The following CYTH3 variants were observed in gnomAD, a reference collection of about 807,000 sequenced individuals.
CYTH3 encodes the protein cytohesin 3.
CYTH3 carries 23 observed loss-of-function variants against 55.1 expected under a neutral mutation model. That is an observed-to-expected ratio of 0.42 (90% CI 0.30 to 0.59). The LOEUF (loss-of-function observed/expected upper bound fraction) is 0.59, where lower values mean the gene tolerates loss of function less well. Ranked by LOEUF, CYTH3 falls within the 20% of genes least tolerant of loss-of-function variation. The probability of loss-of-function intolerance (pLI) is 0.20; values close to 1 mark genes in which losing one functional copy is unlikely to be tolerated. For missense variants in CYTH3, 413 were observed against 524.8 expected (o/e 0.79, Z 2.08); for synonymous variants, 249 against 194.9 (o/e 1.28, Z -2.31).
At chr7:6,236,975 T>C (rs181332811) in intron 1 of CYTH3, among the ~76,000 whole-genome samples, 2 of 152,360 alleles carry the variant, frequency 1.3e-5, no homozygotes, top group Non-Finnish European at 2.9e-5. Flanking sequence ...TCATGGTCAG[T>C]AGGCCTAGAT....
chr7:6,234,306 T>G (rs1328323770), intron 1 of CYTH3, among the ~76,000 whole-genome samples: 3 of 152,106 alleles, frequency 2.0e-5, no homozygotes, highest in Non-Finnish European at 4.4e-5. Context: ...CCCACTGCCC[T>G]GGAAAAAGAA....
In CYTH3 at chr7:6,170,715, A is replaced by T; in HGVS notation, c.712-69T>A. ...AAATGGCTGGCCGGGCAGAAAGCTCAGCGGGACCAGGGCGGCAAGGAGGCT... is the reference window on the plus strand; with the variant it reads ...AAATGGCTGGCCGGGCAGAAAGCTCTGCGGGACCAGGGCGGCAAGGAGGCT... On this transcript the variant is annotated intron_variant, in intron 8 of 12. Transcript: ENST00000350796. The surrounding 1 kb of genome is among the most constrained non-coding windows in gnomAD (Gnocchi z 7.8). 1 of 1,576,358 alleles carries T rather than the reference A, an allele frequency of 6.3e-7. No individual in the cohort carries two copies. The highest frequency in any genetic ancestry group is 8.6e-7 in the Non-Finnish European group (1 of 1,159,122).
Position 6,169,201 on chromosome 7 carries a change from C to A in CYTH3, c.823+1334G>T, listed in dbSNP as rs1783099115. 1.3e-5 allele frequency among the ~76,000 whole-genome samples: 2 copies of A among 152,184 alleles called. No individual in the cohort carries two copies. Among genetic ancestry groups the A allele is most frequent in the African/African-American group, 4.8e-5 (2 of 41,456 alleles). ...ACCAGCTGAGGAGGCCTGTGCCCGT[C>A]ACACCGTGTCTCACCCTTCCTTGAT... is the stretch of plus-strand genomic sequence containing the variant. On this transcript the variant is annotated intron_variant, in intron 9 of 12. Coordinates refer to ENST00000350796, the MANE Select transcript of CYTH3 (RefSeq NM_004227.4). The surrounding 1 kb of genome is among the most constrained non-coding windows in gnomAD (Gnocchi z 4.1).
chr7:6,164,896 C>T lies in CYTH3; in HGVS notation c.*48G>A, dbSNP rs1193803698. 2 of 1,611,312 alleles carry T rather than the reference C, an allele frequency of 1.2e-6. No homozygotes were observed. Among genetic ancestry groups the T allele is most frequent in the African/African-American group, 2.7e-5 (2 of 74,854 alleles). ...TCCGCGGAGGGGCCGCCCGCGGTGT[C>T]TTTCTGCTGGGGTTGGGTCTTTTAC... On this transcript the variant is annotated 3_prime_UTR_variant, in exon 13 of 13. Coordinates refer to ENST00000350796, the MANE Select transcript of CYTH3 (RefSeq NM_004227.4).
At chr7:6,263,496 A>G (rs1447970864) in intron 1 of CYTH3, among the ~76,000 whole-genome samples, 2 of 152,212 alleles carry the variant, frequency 1.3e-5, no homozygotes, top group Non-Finnish European at 2.9e-5. Context: ...TAACATTGAC[A>G]TTAAAAAGTT....
chr7:6,187,742 C>G, intron 2 of CYTH3, 21 bp from the exon 3 acceptor site: 1 of 1,611,144 alleles, frequency 6.2e-7, no homozygotes, highest in Non-Finnish European at 8.5e-7. Context: ...AGAAGAATTT[C>G]GAGGTGGGGA....
intron 4 of CYTH3, among the ~76,000 whole-genome samples, chr7:6,182,496 GCCA>G (rs1228416905): frequency 6.6e-6 from 1 of 152,062 alleles, no homozygotes; most frequent in Admixed American, 6.5e-5. Context: ...ACAGGCACAT[GCCA>G]CCACATCTGG....
In CYTH3 at chr7:6,258,402, G is replaced by C. The variant is rs190255358; in HGVS notation, c.34+14072C>G. ...TCTTGCAGACATCCCCCTGCAAACT[G>C]CCCTGCATACTGGCCAGACTTGGGT... On this transcript the variant is annotated intron_variant, in intron 1 of 12. Transcript: ENST00000350796. Among the ~76,000 whole-genome samples the C allele has an allele frequency of 3.9e-4, 59 of 152,122 alleles. 1 individual carries two copies. In the East Asian group the frequency reaches 9.1e-3, roughly 23 times the overall value.
At position 6,180,791 on chromosome 7, in the gene CYTH3, T is replaced by C. The variant is rs1252852583; in HGVS notation, c.250-2850A>G. ...GGGGCGGTGGCACCATTTGACCCAC[T>C]ACACCTACTCTATCTTTTTCTGTTT... On this transcript the variant is annotated intron_variant, in intron 4 of 12. Transcript: ENST00000350796. 3.0e-4 allele frequency among the ~76,000 whole-genome samples: 45 copies of C among 152,210 alleles called. 1 individual carries two copies. The highest frequency in any genetic ancestry group is 2.9e-3 in the Admixed American group (45 of 15,282).
intron 1 of CYTH3, among the ~76,000 whole-genome samples, chr7:6,238,777 G>T (rs1289183329): frequency 6.6e-6 from 1 of 152,192 alleles, no homozygotes; most frequent in African/African-American, 2.4e-5. Context: ...GGGGAAGGCT[G>T]TGTGCACGTG....
chr7:6,214,371 TC>T (rs1277937410), intron 1 of CYTH3, among the ~76,000 whole-genome samples: 1 of 152,232 alleles, frequency 6.6e-6, no homozygotes, highest in Non-Finnish European at 1.5e-5. Context: ...ATTAGAGAAC[TC>T]TACAGATTTC....
chr7:6,258,286 A>T (rs1451611787), intron 1 of CYTH3, among the ~76,000 whole-genome samples: 3 of 151,422 alleles, frequency 2.0e-5, no homozygotes, highest in Non-Finnish European at 4.4e-5. Context: ...GCACTCTGGC[A>T]TAGGAGACAG....
chr7:6,223,188 C>T (rs931486237), intron 1 of CYTH3, among the ~76,000 whole-genome samples: 1 of 151,362 alleles, frequency 6.6e-6, no homozygotes, highest in Non-Finnish European at 1.5e-5. Flanking sequence ...CTCTGCCCGG[C>T]CGCCCCATCT....
At chr7:6,245,361 G>C (rs1166966360) in intron 1 of CYTH3, among the ~76,000 whole-genome samples, 2 of 152,100 alleles carry the variant, frequency 1.3e-5, no homozygotes, top group Non-Finnish European at 2.9e-5. Context: ...AGGGCCCTCA[G>C]AATTAGAGAG....
intron 1 of CYTH3, among the ~76,000 whole-genome samples, chr7:6,206,812 C>T (rs1784198179): frequency 6.6e-6 from 1 of 152,098 alleles, no homozygotes; most frequent in East Asian, 1.9e-4. Flanking sequence ...GCCTCACTGC[C>T]ACCTCTACCT....
intron 1 of CYTH3, among the ~76,000 whole-genome samples, chr7:6,203,456 G>A (rs550075077): frequency 6.4e-4 from 97 of 152,190 alleles, no homozygotes; most frequent in South Asian, 6.0e-3. Flanking sequence ...TATGAGTCTA[G>A]TCATTGCCAC....
chr7:6,170,977 G>C lies in CYTH3; in HGVS notation c.564C>G (p.Asp188Glu). 1 of 1,613,810 alleles carries C rather than the reference G, an allele frequency of 6.2e-7. No individual in the cohort carries two copies. The highest frequency in any genetic ancestry group is 8.5e-7 in the Non-Finnish European group (1 of 1,179,918). The part of the protein sequence containing the change: ...LCNPGVFQST[D>E]TCYVLSFAII... ...TGGCGAATGACAGCACGTAGCACGT[G>C]TCTGCAACGAGTCCGGGGTGCTGGG... The change falls in exon 8 of 13, where the codon GAC becomes GAG. Residue 188 changes from aspartate to glutamate, a missense_variant and splice_region_variant. This residue lies in a region of CYTH3 where 156 missense variants were observed against 233.1 expected (regional missense o/e 0.67). Transcript: ENST00000350796. This position sits in a 1 kb window ranked among gnomAD's most constrained non-coding sequence, Gnocchi z 7.8.
In CYTH3 at chr7:6,259,788, TA is replaced by T. The variant is rs1375038048; in HGVS notation, c.34+12685del. On this transcript the variant is annotated intron_variant, in intron 1 of 12. Coordinates refer to ENST00000350796, the MANE Select transcript of CYTH3 (RefSeq NM_004227.4). The stretch of plus-strand genomic sequence containing the variant: ...ATATATATATTATATATATATAATA[TA>T]TATATATATATATATATATATATAA... 3.3e-4 allele frequency among the ~76,000 whole-genome samples: 5 copies of T among 15,104 alleles called. 1 individual carries two copies. The highest frequency in any genetic ancestry group is 2.8e-3 in the East Asian group (1 of 354). 9.9% of individuals were successfully genotyped at this position (15,104 alleles called of 152,430 possible).
Position 6,171,049 on chromosome 7 carries a change from C to A in CYTH3, c.563-71G>T. On this transcript the variant is annotated intron_variant, in intron 7 of 12. Coordinates refer to ENST00000350796, the MANE Select transcript of CYTH3 (RefSeq NM_004227.4). The surrounding 1 kb of genome is among the most constrained non-coding windows in gnomAD (Gnocchi z 6.7). ...ACAGTGGGACCCCGCGTGCTGGGGGCCCGCCTGCAAGAGGTGCCCGGCCCA... is the reference window on the plus strand; with the variant it reads ...ACAGTGGGACCCCGCGTGCTGGGGGACCGCCTGCAAGAGGTGCCCGGCCCA... 6.3e-7 allele frequency: 1 copy of A among 1,598,986 alleles called. No individual in the cohort carries two copies. The highest frequency in any genetic ancestry group is 1.7e-5 in the Admixed American group (1 of 59,074).
Sources: allele counts gnomAD v4.1 joint callset (sites outside exome capture counted in the v4.1 genomes callset), GRCh38; gene constraint gnomAD v4.1.1; regional missense constraint gnomAD v4.1.1; non-coding constraint Gnocchi (gnomAD v3.1); transcripts MANE v1.5; gene names NCBI Gene and HGNC (gene_info 2026-07-23, HGNC 2026-07-21).